The following CHN2 variants were observed in gnomAD, a reference collection of about 807,000 sequenced individuals.
The protein encoded by CHN2 is beta-chimaerin.
In CHN2, 35 loss-of-function variants were observed where a neutral mutation model predicts 56.3. The observed-to-expected ratio is 0.62, with a 90% CI of 0.47 to 0.82. The LOEUF is 0.82. Among genes scored for constraint, CHN2 ranks in the 40% least tolerant of loss-of-function variants. The probability of loss-of-function intolerance (pLI) is 0.00; values close to 1 mark genes in which losing one functional copy is unlikely to be tolerated. For synonymous variants in CHN2, 210 were observed against 212.8 expected, an observed-to-expected ratio of 0.99 and a Z score of 0.12; for missense variants, 491 against 580.5, an observed-to-expected ratio of 0.85 and a Z score of 1.58.
At chr7:29,206,874 A>G (rs1470928652) in intron 1 of CHN2, among the ~76,000 whole-genome samples, 1 of 152,234 alleles carries the variant, frequency 6.6e-6, no homozygotes, top group Non-Finnish European at 1.5e-5. Flanking sequence ...GATTCCACGC[A>G]TATGGAACAC....
intron 6 of CHN2, among the ~76,000 whole-genome samples, chr7:29,435,613 A>C (rs981641051): frequency 2.0e-5 from 3 of 152,208 alleles, no homozygotes; most frequent in Non-Finnish European, 4.4e-5. Context: ...ATCTAGACAC[A>C]GACAAGGTAC....
chr7:29,221,192 T>C (rs1386168088), intron 1 of CHN2, among the ~76,000 whole-genome samples: 1 of 152,144 alleles, frequency 6.6e-6, no homozygotes, highest in Non-Finnish European at 1.5e-5. Flanking sequence ...AATTGGCAAT[T>C]CTAGCCAATG....
intron 1 of CHN2, among the ~76,000 whole-genome samples, chr7:29,256,841 T>C (rs1362031910): frequency 6.6e-6 from 1 of 152,150 alleles, no homozygotes; most frequent in African/African-American, 2.4e-5. Flanking sequence ...CAAACCTACC[T>C]ACAGGGCCCT....
In CHN2 at chr7:29,512,910, G is replaced by A; in HGVS notation, c.*175G>A. On this transcript the variant is annotated 3_prime_UTR_variant, in exon 13 of 13. Transcript: ENST00000222792. ...TCATAGACATGCGCCACCTCCACGTGAGAACAAGGGTGAAGGTGAGGGAAG... is the reference window on the plus strand; with the variant it reads ...TCATAGACATGCGCCACCTCCACGTAAGAACAAGGGTGAAGGTGAGGGAAG... The A allele has an allele frequency of 1.7e-6, 1 of 602,472 alleles. No individual in the cohort carries two copies. The highest frequency in any genetic ancestry group is 2.8e-6 in the Non-Finnish European group (1 of 360,706). The allele number at this position is 602,472 out of a possible 1,614,324, so 37.3% of individuals were successfully genotyped here. A position where few individuals can be genotyped will look rare whatever the true frequency, so the allele number is the denominator to read the frequency against.
chr7:29,473,470 G>GGTTT (rs1554298944), intron 6 of CHN2, among the ~76,000 whole-genome samples: 1 of 93,528 alleles, frequency 1.1e-5, no homozygotes, highest in Non-Finnish European at 2.0e-5. Flanking sequence ...GTGTGTTTGT[G>GGTTT]TTTTTTTTTT....
chr7:29,513,867 T>C lies in CHN2; in HGVS notation c.*1132T>C, dbSNP rs1433390402. 6.5e-6 allele frequency: 1 copy of C among 152,684 alleles called. No individual in the cohort carries two copies. The highest frequency in any genetic ancestry group is 1.5e-5 in the Non-Finnish European group (1 of 68,040). The allele number at this position is 152,684 out of a possible 1,614,324, so 9.5% of individuals were successfully genotyped here. A position where few individuals can be genotyped will look rare whatever the true frequency, so the allele number is the denominator to read the frequency against. ...TACTACAGTTCCAGTCACTTGGTTA[T>C]ATTTATCTTAGCATGAGCCTTTCAC... On this transcript the variant is annotated 3_prime_UTR_variant, in exon 13 of 13. Transcript: ENST00000222792.
At position 29,273,386 on chromosome 7, in the gene CHN2, T is replaced by C. The variant is rs1372330406; in HGVS notation, c.49+78396T>C. Reference sequence around the variant, plus strand: ...ATATATATATATATATATATATATATATACACACACCACATTTTCTTTATT... The same window carrying C: ...ATATATATATATATATATATATATACATACACACACCACATTTTCTTTATT... On this transcript the variant is annotated intron_variant, in intron 1 of 12. Transcript: ENST00000222792. 4.0e-3 allele frequency among the ~76,000 whole-genome samples: 192 copies of C among 47,586 alleles called. 1 individual carries two copies. The highest frequency in any genetic ancestry group is 0.019 in the African/African-American group (183 of 9,736). The allele number at this position is 47,586 out of a possible 152,430, so 31.2% of individuals were successfully genotyped here. A position where few individuals can be genotyped will look rare whatever the true frequency, so the allele number is the denominator to read the frequency against.
intron 3 of CHN2, among the ~76,000 whole-genome samples, chr7:29,386,308 C>A (rs1408555401): frequency 6.6e-6 from 1 of 152,146 alleles, no homozygotes; most frequent in East Asian, 1.9e-4. Context: ...GATGAAATTG[C>A]CCCAGTATCA....
At chr7:29,170,898 G>A (rs1015117316) in intron 2 of CHN2, among the ~76,000 whole-genome samples, 3 of 152,108 alleles carry the variant, frequency 2.0e-5, no homozygotes, top group African/African-American at 7.2e-5. Context: ...GCAACTATCA[G>A]ATCTCGTGAG....
rs143809943 is a variant in CHN2 at position 29,489,977 on chromosome 7, C to T, written c.655-5975C>T. On this transcript the variant is annotated intron_variant, in intron 7 of 12. Coordinates refer to ENST00000222792, the MANE Select transcript of CHN2 (RefSeq NM_004067.4). ...ATTTTGTCAATATGCATTCTGTCCA[C>T]GTGTAGTAAACATGTAGCCACTCAC... Among the ~76,000 whole-genome samples the T allele has an allele frequency of 9.9e-5, 15 of 152,230 alleles. No individual in the cohort carries two copies. The East Asian group carries it at 1.5e-3, about 16-fold the overall frequency.
At chr7:29,216,347 T>C (rs1231091950) in intron 1 of CHN2, among the ~76,000 whole-genome samples, 2 of 152,186 alleles carry the variant, frequency 1.3e-5, no homozygotes, top group East Asian at 1.9e-4. Context: ...ATTGAGATAA[T>C]TGACAAGGTT....
At chr7:29,369,536 A>G (rs1057061651) in intron 3 of CHN2, among the ~76,000 whole-genome samples, 7 of 152,218 alleles carry the variant, frequency 4.6e-5, no homozygotes, top group Non-Finnish European at 8.8e-5. Flanking sequence ...AGTATGATGT[A>G]ATTAAATATA....
At chr7:29,223,865 C>A (rs910993629) in intron 1 of CHN2, among the ~76,000 whole-genome samples, 1 of 152,176 alleles carries the variant, frequency 6.6e-6, no homozygotes, top group African/African-American at 2.4e-5. Flanking sequence ...CACTAGTTTG[C>A]CCTTCCACCA....
chr7:29,428,355 C>T (rs190512284), intron 6 of CHN2, among the ~76,000 whole-genome samples: 33 of 152,326 alleles, frequency 2.2e-4, no homozygotes, highest in Non-Finnish European at 1.0e-4. Flanking sequence ...TTCCCACTTG[C>T]ATCATGGTCC....
At chr7:29,156,146 T>C (rs1464563681) in intron 2 of CHN2, among the ~76,000 whole-genome samples, 1 of 152,228 alleles carries the variant, frequency 6.6e-6, no homozygotes. Context: ...ATATTTACTT[T>C]TGAGTTTTTT....
chr7:29,511,153 G>T (rs1791311576), intron 12 of CHN2, among the ~76,000 whole-genome samples: 1 of 152,244 alleles, frequency 6.6e-6, no homozygotes, highest in Admixed American at 6.5e-5. Context: ...GAAGCAAACG[G>T]AGGACTGTAT....
chr7:29,299,711 C>T (rs368005589), intron 1 of CHN2, among the ~76,000 whole-genome samples: 170 of 152,260 alleles, frequency 1.1e-3, no homozygotes, highest in African/African-American at 3.9e-3. Flanking sequence ...ACTAATATTG[C>T]TTGTTGTCCC....
chr7:29,411,845 C>T lies in CHN2; in HGVS notation c.576+11017C>T, dbSNP rs995033914. ...GCGGAGCTGCCCTTCAGCCCGCCCC[C>T]GTCTCTGGATGTTCCAGTACTGCTG... On this transcript the variant is annotated intron_variant, in intron 6 of 12. Coordinates refer to ENST00000222792, the MANE Select transcript of CHN2 (RefSeq NM_004067.4). Among the ~76,000 whole-genome samples, 9 of 152,256 alleles carry T rather than the reference C, an allele frequency of 5.9e-5. No homozygotes were observed. The South Asian group carries it at 1.2e-3, about 21-fold the overall frequency.
chr7:29,287,039 T>C (rs770318881), intron 1 of CHN2, among the ~76,000 whole-genome samples: 1 of 152,170 alleles, frequency 6.6e-6, no homozygotes, highest in Non-Finnish European at 1.5e-5. Context: ...GGGACCCTTT[T>C]CTTCTCCTGT....
Sources: gnomAD v4.1 joint callset for allele counts (sites outside exome capture counted in the v4.1 genomes callset) on GRCh38, gnomAD v4.1.1 for gene constraint, MANE v1.5 for transcripts, NCBI Gene and HGNC (gene_info 2026-07-23, HGNC 2026-07-21) for gene names.